RALGAPB: variants seen among roughly 807,000 people sequenced by gnomAD.
RALGAPB encodes ral GTPase-activating protein subunit beta.
In RALGAPB, 25 loss-of-function variants were observed where a neutral mutation model predicts 161.1. The observed-to-expected ratio is 0.16, with a 90% CI of 0.11 to 0.22. The LOEUF (loss-of-function observed/expected upper bound fraction) is 0.22, where lower values mean the gene tolerates loss of function less well. RALGAPB is among the 10% of genes least tolerant of loss of function. The probability of loss-of-function intolerance (pLI) is 1.00; values close to 1 mark genes in which losing one functional copy is unlikely to be tolerated. For missense variants in RALGAPB, 1,391 were observed against 1,815.2 expected (o/e 0.77, Z 4.25); for synonymous variants, 629 against 626.1 (o/e 1.00, Z -0.07).
At chr20:38,520,908 G>A (rs1272932003) in intron 9 of RALGAPB, among the ~76,000 whole-genome samples, 1 of 152,088 alleles carries the variant, frequency 6.6e-6, no homozygotes. Context: ...GCTGTCTGTG[G>A]TTGTTAAAAT....
chr20:38,516,196 C>T lies in RALGAPB; in HGVS notation c.877C>T (p.Pro293Ser). ...TTCTTTCCTCTCTTTTAATAGTAAT[C>T]CTGTGGATTTGAGTAACCCAGCTAT... is the stretch of plus-strand genomic sequence containing the variant. Reference protein sequence around the residue: ...WFRFLHMLSNPVDLSNPAIIS... With the variant: ...WFRFLHMLSNSVDLSNPAIIS... Residue 293 changes from proline (P) to serine (S), a missense_variant, in exon 7 of 30, where the codon CCT (proline) becomes TCT (serine). By Grantham distance (74) the Pro-to-Ser change is moderately conservative. Transcript: ENST00000262879. The T allele has an allele frequency of 6.3e-7, 1 of 1,588,732 alleles. No individual in the cohort carries two copies.
intron 3 of RALGAPB, among the ~76,000 whole-genome samples, chr20:38,496,897 T>G (rs113594190): frequency 0.031 from 4,705 of 152,322 alleles, 98 homozygotes; most frequent in Non-Finnish European, 0.046. Flanking sequence ...AGAGGGACTA[T>G]GAGCACTGTA....
chr20:38,473,270 C>T (rs534790357), intron 1 of RALGAPB, among the ~76,000 whole-genome samples: 1 of 152,090 alleles, frequency 6.6e-6, no homozygotes, highest in Non-Finnish European at 1.5e-5. Flanking sequence ...CGGCTGCTGT[C>T]GAGTCTGTGT....
At chr20:38,495,056 A>C (rs1452388279) in intron 3 of RALGAPB, among the ~76,000 whole-genome samples, 1 of 152,196 alleles carries the variant, frequency 6.6e-6, no homozygotes, top group South Asian at 2.1e-4. Flanking sequence ...TTCCTGGCTA[A>C]TGTTTTAGGA....
Position 38,550,929 on chromosome 20 carries a change from G to A in RALGAPB, c.3010-142G>A, listed in dbSNP as rs1423399045. On this transcript the variant is annotated intron_variant, in intron 20 of 29. Transcript: ENST00000262879. The stretch of plus-strand genomic sequence containing the variant: ...AGGCTGCTTCCCTTTGCTGTTATCT[G>A]TAGCATTTGCAGGTTCTGAGTGAGT... The A allele has an allele frequency of 4.4e-6, 4 of 903,992 alleles. No homozygotes were observed. The African/African-American group carries it at 6.7e-5, about 15-fold the overall frequency. The allele number at this position is 903,992 out of a possible 1,614,324, so 56.0% of individuals were successfully genotyped here.
intron 26 of RALGAPB, among the ~76,000 whole-genome samples, 200 bp downstream of exon 26, chr20:38,567,432 G>T (rs1457616853): frequency 6.6e-6 from 1 of 152,110 alleles, no homozygotes; most frequent in Non-Finnish European, 1.5e-5. Context: ...GACAGCCTTT[G>T]TGGTTTCTCT....
intron 3 of RALGAPB, among the ~76,000 whole-genome samples, chr20:38,496,441 A>G (rs192016687): frequency 2.2e-3 from 333 of 152,254 alleles, no homozygotes; most frequent in Non-Finnish European, 3.5e-3. Context: ...TGGCCTCAAG[A>G]CTTTTTTCAG....
chr20:38,540,954 C>T, intron 17 of RALGAPB, 87 bp from the exon 18 acceptor site: 1 of 1,446,318 alleles, frequency 6.9e-7, no homozygotes, highest in Non-Finnish European at 9.4e-7. Flanking sequence ...CACCAAAACG[C>T]AACCACTGTT....
At chr20:38,531,291 A>T in intron 14 of RALGAPB, 60 bp downstream of exon 14, 1 of 1,372,876 alleles carries the variant, frequency 7.3e-7, no homozygotes, top group Non-Finnish European at 1.0e-6. Context: ...TGTAAATTAT[A>T]TTCCAGAATG....
intron 12 of RALGAPB, 99 bp downstream of exon 12, chr20:38,525,617 T>C: frequency 1.0e-6 from 1 of 986,088 alleles, no homozygotes; most frequent in Non-Finnish European, 1.5e-6. Flanking sequence ...CTTTTTTTAT[T>C]TTTCAATTCA....
chr20:38,514,644 G>A (rs894845170), intron 6 of RALGAPB, among the ~76,000 whole-genome samples: 2 of 152,150 alleles, frequency 1.3e-5, no homozygotes, highest in Non-Finnish European at 2.9e-5. Context: ...TCAACATTTT[G>A]TCTTGTGTGT....
At chr20:38,491,688 A>G (rs2085285467) in intron 2 of RALGAPB, among the ~76,000 whole-genome samples, 1 of 152,154 alleles carries the variant, frequency 6.6e-6, no homozygotes, top group African/African-American at 2.4e-5. Context: ...TAATCTTGCT[A>G]AGCTTCTGTT....
intron 1 of RALGAPB, among the ~76,000 whole-genome samples, chr20:38,487,554 G>A (rs1057478369): frequency 1.3e-5 from 2 of 152,118 alleles, no homozygotes; most frequent in African/African-American, 2.4e-5. Flanking sequence ...AGTTTAGTGC[G>A]AAAAGGATGT....
rs1210937891 is a variant in RALGAPB, at chr20:38,578,253, T to G, written c.*3286T>G. 1 of 152,162 alleles carries G rather than the reference T, an allele frequency of 6.6e-6. No homozygotes were observed. The highest frequency in any genetic ancestry group is 6.5e-5 in the Admixed American group (1 of 15,270). The allele number at this position is 152,162 out of a possible 1,614,324, so 9.4% of individuals were successfully genotyped here. Reference sequence around the variant, plus strand: ...TTCCATGACAGCCTCTTTTCCTGAGTTGGAGAGATTGGAGGTGGTCTATCC... The same window carrying G: ...TTCCATGACAGCCTCTTTTCCTGAGGTGGAGAGATTGGAGGTGGTCTATCC... On this transcript the variant is annotated 3_prime_UTR_variant, in exon 30 of 30. Coordinates refer to ENST00000262879, the MANE Select transcript of RALGAPB (RefSeq NM_020336.4).
At chr20:38,546,531 A>C (rs1413288956) in intron 19 of RALGAPB, 101 bp downstream of exon 19, 2 of 1,492,718 alleles carry the variant, frequency 1.3e-6, no homozygotes, top group Non-Finnish European at 1.8e-6. Flanking sequence ...ACAGATTCTA[A>C]GTAGGTCAGA....
At chr20:38,485,765 CT>C (rs2085094779) in intron 1 of RALGAPB, among the ~76,000 whole-genome samples, 1 of 152,030 alleles carries the variant, frequency 6.6e-6, no homozygotes, top group Non-Finnish European at 1.5e-5. Flanking sequence ...CAAAATGATA[CT>C]TTAGTTGCCT....
intron 1 of RALGAPB, among the ~76,000 whole-genome samples, chr20:38,485,195 C>T (rs989520070): frequency 6.6e-6 from 1 of 152,180 alleles, no homozygotes; most frequent in Non-Finnish European, 1.5e-5. Context: ...GTTCAAAAGT[C>T]ATGTGAGATG....
chr20:38,515,152 C>T (rs901151460), intron 6 of RALGAPB, among the ~76,000 whole-genome samples: 2 of 152,146 alleles, frequency 1.3e-5, no homozygotes, highest in Non-Finnish European at 2.9e-5. Context: ...CTGCTGGAGA[C>T]GAATCTCCCT....
At chr20:38,521,356 A>G in intron 9 of RALGAPB, 141 bp from the exon 10 acceptor site, 2 of 1,343,862 alleles carry the variant, frequency 1.5e-6, no homozygotes, top group Non-Finnish European at 2.0e-6. Context: ...TAAAAATATT[A>G]AGACATAGTT....
Sources: gnomAD v4.1 joint callset for allele counts (sites outside exome capture counted in the v4.1 genomes callset) on GRCh38, gnomAD v4.1.1 for gene constraint, MANE v1.5 for transcripts, NCBI Gene and HGNC (gene_info 2026-07-23, HGNC 2026-07-21) for gene names.